Variants in TEAD2 observed in about 807,000 individuals in gnomAD.
TEAD2 encodes transcriptional enhancer factor TEF-4.
A neutral mutation model predicts 61.4 loss-of-function variants in TEAD2; 51 were observed. That is an observed-to-expected ratio of 0.83 (90% CI 0.66 to 1.05). The LOEUF (loss-of-function observed/expected upper bound fraction) is 1.05, where lower values mean the gene tolerates loss of function less well. Ranked by LOEUF, TEAD2 falls within the 50% of genes least tolerant of loss-of-function variation. The pLI, the probability that TEAD2 is intolerant of heterozygous loss-of-function variation, is 0.00. For synonymous variants in TEAD2, 244 were observed against 243.2 expected (o/e 1.00, Z -0.03); for missense variants, 509 against 600.0 (o/e 0.85, Z 1.58).
In TEAD2 at chr19:49,348,790, TG is replaced by T. The variant is rs1377880028; in HGVS notation, c.659del (p.Pro220GlnfsTer16). 2 of 1,609,106 alleles carry T rather than the reference TG, an allele frequency of 1.2e-6. No homozygotes were observed. Among genetic ancestry groups the T allele is most frequent in the South Asian group, 1.1e-5 (1 of 90,704 alleles). Reference sequence around the variant, plus strand: ...TGCCCAGGCCCCGAGCCTGCCAGGCTGGGGGCGATGGGGTAGGTGGGGGCAG... The same window carrying T: ...TGCCCAGGCCCCGAGCCTGCCAGGCTGGGGCGATGGGGTAGGTGGGGGCAG... ...SPLPPPTPSP[P>X]AWQARGLGTA... On this transcript the variant is annotated frameshift_variant, in exon 9 of 13. Coordinates refer to ENST00000593945, the MANE Select transcript of TEAD2 (RefSeq NM_001256660.2). LOFTEE classifies it high-confidence loss of function.
chr19:49,347,384 G>T (rs542111414), intron 9 of TEAD2, 21 bp from the exon 10 acceptor site: 2 of 1,598,604 alleles, frequency 1.3e-6, no homozygotes, highest in Non-Finnish European at 1.7e-6. Context: ...TTGGCCGTGG[G>T]TGAGAAGTCG....
chr19:49,356,454 C>A (rs1972407639), intron 4 of TEAD2, among the ~76,000 whole-genome samples: 1 of 150,940 alleles, frequency 6.6e-6, no homozygotes, highest in African/African-American at 2.4e-5. Flanking sequence ...CCCCCACACA[C>A]CCAGAAGGGG....
intron 11 of TEAD2, 111 bp from the exon 12 acceptor site, chr19:49,342,701 T>C: frequency 7.3e-7 from 1 of 1,363,398 alleles, no homozygotes; most frequent in Non-Finnish European, 1.0e-6. Context: ...TCACTCTCAC[T>C]GCCACCTTCC....
At chr19:49,358,997 G>C (rs532067500) in intron 3 of TEAD2, among the ~76,000 whole-genome samples, 1 of 152,076 alleles carries the variant, frequency 6.6e-6, no homozygotes, top group Non-Finnish European at 1.5e-5. Flanking sequence ...CCAGCACTTT[G>C]GGGGGCTGAG....
chr19:49,354,128 C>T (rs1214716312), intron 7 of TEAD2, among the ~76,000 whole-genome samples: 2 of 151,532 alleles, frequency 1.3e-5, no homozygotes, highest in East Asian at 3.9e-4. Context: ...ACAATACCGT[C>T]AACACTCCTG....
intron 1 of TEAD2, among the ~76,000 whole-genome samples, chr19:49,360,740 GA>G (rs1972794746): frequency 1.1e-5 from 1 of 87,834 alleles, no homozygotes; most frequent in African/African-American, 4.1e-5. Context: ...GAGGGGGACA[GA>G]GACCCAGAGA....
chr19:49,349,420 G>A (rs937389075), intron 8 of TEAD2, among the ~76,000 whole-genome samples: 16 of 150,750 alleles, frequency 1.1e-4, no homozygotes, highest in South Asian at 2.1e-4. Flanking sequence ...CCGAGATTGC[G>A]CCACTGCACT....
rs1372397045 is a variant in TEAD2, at chr19:49,356,167, G to A, written c.361-197C>T. ...GAGGGGAAAAGGGGCTCCCTGCCCA[G>A]AAAGACAGTGATGGGGGTTTCTAGA... On this transcript the variant is annotated intron_variant, in intron 4 of 12. Coordinates refer to ENST00000593945, the MANE Select transcript of TEAD2 (RefSeq NM_001256660.2). 20 of 398,010 alleles carry A rather than the reference G, an allele frequency of 5.0e-5. No individual in the cohort carries two copies. The East Asian group carries it at 7.2e-4, about 14-fold the overall frequency. The allele number at this position is 398,010 out of a possible 1,614,324, so 24.7% of individuals were successfully genotyped here.
chr19:49,341,318 C>T lies in TEAD2; in HGVS notation c.*6G>A. ...CTGGGGGGTGAGCCAGTTTTGGGGT[C>T]CCCCTTCAGTCCCTGACCAGGCGGT... On this transcript the variant is annotated 3_prime_UTR_variant, in exon 13 of 13. Transcript: ENST00000593945. The surrounding 1 kb of genome is among the most constrained non-coding windows in gnomAD (Gnocchi z 4.2). The T allele has an allele frequency of 1.2e-6, 2 of 1,613,052 alleles. No homozygotes were observed. Among genetic ancestry groups the T allele is most frequent in the Non-Finnish European group, 1.7e-6 (2 of 1,179,244 alleles).
At chr19:49,353,957 GT>G (rs77121881) in intron 7 of TEAD2, among the ~76,000 whole-genome samples, 44,568 of 141,452 alleles carry the variant, frequency 0.32, 7,371 homozygotes, top group South Asian at 0.44. Flanking sequence ...ATTGTTTTTT[GT>G]TTTTTTTTTT....
intron 11 of TEAD2, 78 bp from the exon 12 acceptor site, chr19:49,342,668 G>C: frequency 3.2e-6 from 5 of 1,552,474 alleles, no homozygotes; most frequent in Non-Finnish European, 2.6e-6. Flanking sequence ...GCTCCACCCT[G>C]TGCCTCTAAG....
At position 49,360,025 on chromosome 19, in the gene TEAD2, C is replaced by T. The variant is rs759736590; in HGVS notation, c.51G>A (p.Thr17=). ...GAALDDGSGW[T]GSEEGSEEGT... ...CCTCCTCACTGCCTTCCTCACTGCC[C>T]GTCCAGCCGCTGCCATCGTCCAGGG... The change falls in exon 2 of 13, where the codon ACG becomes ACA. Residue 17 remains threonine (T), a synonymous_variant. Transcript: ENST00000593945. The T allele has an allele frequency of 1.3e-5, 21 of 1,608,658 alleles. No individual in the cohort carries two copies. Among genetic ancestry groups the T allele is most frequent in the Middle Eastern group, 1.6e-4 (1 of 6,084 alleles).
chr19:49,355,274 CT>C (rs1440545130), intron 6 of TEAD2, 37 bp downstream of exon 6: 1 of 1,613,810 alleles, frequency 6.2e-7, no homozygotes, highest in African/African-American at 1.3e-5. Context: ...ATCCATCCCC[CT>C]TTGCCCCCAC....
intron 1 of TEAD2, chr19:49,360,444 G>C (rs1972766238): frequency 3.3e-6 from 1 of 301,644 alleles, no homozygotes; most frequent in Non-Finnish European, 6.1e-6. Flanking sequence ...AGAAGGAGCT[G>C]GATTTCTTGG....
At chr19:49,361,379 G>A (rs66537808) in intron 1 of TEAD2, 34,242 of 153,184 alleles carry the variant, frequency 0.22, 4,020 homozygotes, top group Non-Finnish European at 0.25. Context: ...GAGACCCAGA[G>A]AAAGGGAGAC....
At chr19:49,352,891 C>T (rs192153090) in intron 7 of TEAD2, among the ~76,000 whole-genome samples, 2 of 151,992 alleles carry the variant, frequency 1.3e-5, no homozygotes, top group South Asian at 2.1e-4. Context: ...TCTCCTCCCC[C>T]GCCCACCAAA....
intron 10 of TEAD2, among the ~76,000 whole-genome samples, chr19:49,343,625 G>C (rs1971442295): frequency 6.6e-6 from 1 of 151,898 alleles, no homozygotes; most frequent in African/African-American, 2.4e-5. Flanking sequence ...TGTAATCCCA[G>C]CTACTGGGAC....
At chr19:49,353,352 G>A (rs1339697534) in intron 7 of TEAD2, among the ~76,000 whole-genome samples, 2 of 151,582 alleles carry the variant, frequency 1.3e-5, no homozygotes, top group Admixed American at 1.3e-4. Context: ...GCCCTCCTTG[G>A]CCTCCCAAAG....
At position 49,342,566 on chromosome 19, in the gene TEAD2, C is replaced by T. The variant is rs1290809200; in HGVS notation, c.1114G>A (p.Gly372Ser). 8 of 1,613,620 alleles carry T rather than the reference C, an allele frequency of 5.0e-6. No individual in the cohort carries two copies. Among genetic ancestry groups the T allele is most frequent in the Non-Finnish European group, 5.9e-6 (7 of 1,179,758 alleles). ...VETERAQLEDGRFVYRLLRSP... is the reference protein window; with the variant it reads ...VETERAQLEDSRFVYRLLRSP... ...CGCAGCAGGCGGTACACAAATCTGC[C>T]GTCCTCCAGCTGGGCCCGTTCCGTC... Residue 372 changes from glycine (G) to serine (S), a missense_variant, in exon 12 of 13, where the codon GGC becomes AGC. By Grantham distance (56) the Gly-to-Ser change is moderately conservative (BLOSUM62 0). Coordinates refer to ENST00000593945, the MANE Select transcript of TEAD2 (RefSeq NM_001256660.2).
Sources: gnomAD v4.1 joint callset for allele counts (sites outside exome capture counted in the v4.1 genomes callset) on GRCh38, gnomAD v4.1.1 for gene constraint, Gnocchi (gnomAD v3.1) non-coding constraint, MANE v1.5 for transcripts, NCBI Gene and HGNC (gene_info 2026-07-23, HGNC 2026-07-21) for gene names.